Variants in UNC80 observed in about 807,000 individuals in gnomAD.
UNC80 encodes the protein protein unc-80 homolog.
A neutral mutation model predicts 384.6 loss-of-function variants in UNC80; 164 were observed. The ratio of observed to expected loss-of-function variants is 0.43; its 90% CI spans 0.38 to 0.49. The LOEUF is 0.49. Ranked by LOEUF, UNC80 falls within the 20% of genes least tolerant of loss-of-function variation. UNC80 has a pLI of 0.00. For missense variants in UNC80, 3,330 were observed against 4,143.0 expected (o/e 0.80, Z 5.39); for synonymous variants, 1,486 against 1,527.8 (o/e 0.97, Z 0.64).
intron 23 of UNC80, among the ~76,000 whole-genome samples, chr2:209,875,862 T>G (rs1354746314): frequency 6.6e-6 from 1 of 152,212 alleles, no homozygotes; most frequent in Admixed American, 6.5e-5. Flanking sequence ...AAATTTTCTC[T>G]TTATTTCTTT....
intron 6 of UNC80, among the ~76,000 whole-genome samples, chr2:209,793,038 TA>T (rs2077922916): frequency 6.6e-6 from 1 of 152,222 alleles, no homozygotes; most frequent in South Asian, 2.1e-4. Flanking sequence ...GTGTAAAAAT[TA>T]AAATCGTAAG....
chr2:209,941,610 C>T (rs886707520), intron 44 of UNC80, 121 bp downstream of exon 44: 47 of 1,135,728 alleles, frequency 4.1e-5, no homozygotes, highest in Non-Finnish European at 5.1e-5. Flanking sequence ...TTTGTGACAA[C>T]AGAAGGCAAC....
chr2:209,806,658 A>G (rs1574520461), intron 7 of UNC80, among the ~76,000 whole-genome samples: 1 of 152,244 alleles, frequency 6.6e-6, no homozygotes, highest in African/African-American at 2.4e-5. Flanking sequence ...TTTAATAACA[A>G]AACAATGCCA....
rs13405976 is a variant in UNC80 at position 209,943,539 on chromosome 2, A to C, written c.7050+25A>C. Reference sequence around the variant, plus strand: ...TGTAAGTAAGCTCTGTGGGAAAAAAAAATGAAGACCAACAAAATGAGAAAA... The same window carrying C: ...TGTAAGTAAGCTCTGTGGGAAAAAACAATGAAGACCAACAAAATGAGAAAA... On this transcript the variant is annotated intron_variant, in intron 45 of 64. Coordinates refer to ENST00000673920, the MANE Select transcript of UNC80 (RefSeq NM_001371986.1). The C allele has an allele frequency of 6.7e-4, 1,032 of 1,549,812 alleles. 5 individuals carry two copies. In the African/African-American group the frequency reaches 0.012, roughly 19 times the overall value.
At chr2:209,940,320 T>C (rs2091541828) in intron 43 of UNC80, among the ~76,000 whole-genome samples, 2 of 152,300 alleles carry the variant, frequency 1.3e-5, no homozygotes, top group South Asian at 4.1e-4. Context: ...GAATGTTGTC[T>C]ACATGAGTGC....
intron 25 of UNC80, among the ~76,000 whole-genome samples, chr2:209,886,994 A>G (rs2085869384): frequency 6.6e-6 from 1 of 151,720 alleles, no homozygotes. Flanking sequence ...GGCCACCCAC[A>G]TTTCTTGGCT....
intron 7 of UNC80, among the ~76,000 whole-genome samples, chr2:209,802,834 C>T (rs2078648531): frequency 6.6e-6 from 1 of 152,092 alleles, no homozygotes; most frequent in South Asian, 2.1e-4. Flanking sequence ...GGGGAAATAT[C>T]CAGTTACAGT....
chr2:209,800,773 T>C (rs1046978091), intron 7 of UNC80, among the ~76,000 whole-genome samples: 35 of 152,316 alleles, frequency 2.3e-4, no homozygotes, highest in African/African-American at 7.0e-4. Context: ...TTCTCATTGG[T>C]TTCAAATAAC....
chr2:209,854,173 T>C (rs2159747), intron 22 of UNC80, among the ~76,000 whole-genome samples: 26,617 of 151,856 alleles, frequency 0.18, 3,196 homozygotes, highest in African/African-American at 0.34. Context: ...TTCAAGGAGA[T>C]AGGAATGCAT....
Position 209,933,999 on chromosome 2 carries a change from A to G in UNC80, c.6172A>G (p.Met2058Val), listed in dbSNP as rs2091070173. The G allele has an allele frequency of 1.3e-6, 2 of 1,543,202 alleles. No homozygotes were observed. The highest frequency in any genetic ancestry group is 2.5e-5 in the East Asian group (1 of 40,770). The stretch of plus-strand genomic sequence containing the variant: ...GGTGAAGCTCCTGGTGACCGCTTCA[A>G]TGCCAGGTAAGCCACTACTACTTTT... ...CEVKLLVTAS[M>V]PGTKTLVVHG... The change falls in exon 39 of 65, where the codon ATG becomes GTG. Residue 2058 changes from methionine (M) to valine (V), a missense_variant. Met to Val is a conservative substitution (Grantham distance 21). Transcript: ENST00000673920.
rs2077414519 is a variant in UNC80, at chr2:209,786,166, A to G, written c.701A>G (p.Lys234Arg). 2 of 1,613,886 alleles carry G rather than the reference A, an allele frequency of 1.2e-6. No homozygotes were observed. The highest frequency in any genetic ancestry group is 1.7e-6 in the Non-Finnish European group (2 of 1,179,912). The stretch of plus-strand genomic sequence containing the variant: ...GTCTCTGGCTTTACCGCACTGGTGA[A>G]GCCCATCAGGAACATCATTACAGGT... ...PGVSGFTALV[K>R]PIRNIITAKR... Residue 234 changes from lysine (K) to arginine (R), a missense_variant, in exon 5 of 65, where the codon AAG (lysine) becomes AGG (arginine). Around this residue, in one of 8 missense-constraint regions of UNC80, gnomAD observed 937 missense variants for 1,026.8 expected, o/e 0.91. Transcript: ENST00000673920.
At chr2:209,808,719 C>G (rs1480870878) in intron 7 of UNC80, 1 of 91,742 alleles carries the variant, frequency 1.1e-5, no homozygotes, top group Non-Finnish European at 2.3e-5. Context: ...GGAGCGGCTG[C>G]ACTCATTGCT....
intron 58 of UNC80, among the ~76,000 whole-genome samples, chr2:209,978,313 C>A (rs2093063177): frequency 6.6e-6 from 1 of 152,174 alleles, no homozygotes; most frequent in Admixed American, 6.5e-5. Context: ...ATGTTATGTT[C>A]TGGCAAGGGA....
At position 209,839,467 on chromosome 2, in the gene UNC80, A is replaced by G. The variant is rs749070238; in HGVS notation, c.3250+37A>G. ...TCTGTATTTGTTTATGGATTATCTTATTACCAACCATGTCCTCAGATCAAC... is the reference window on the plus strand; with the variant it reads ...TCTGTATTTGTTTATGGATTATCTTGTTACCAACCATGTCCTCAGATCAAC... On this transcript the variant is annotated intron_variant, in intron 19 of 64. Coordinates refer to ENST00000673920, the MANE Select transcript of UNC80 (RefSeq NM_001371986.1). This position sits in a 1 kb window ranked among gnomAD's most constrained non-coding sequence, Gnocchi z 4.1. The G allele has an allele frequency of 7.1e-6, 11 of 1,549,110 alleles. No individual in the cohort carries two copies. The South Asian group carries it at 1.1e-4, about 15-fold the overall frequency.
chr2:209,927,634 A>G (rs546766657), intron 36 of UNC80, among the ~76,000 whole-genome samples: 4 of 152,212 alleles, frequency 2.6e-5, no homozygotes, highest in Admixed American at 6.5e-5. Context: ...AAATGAAAAT[A>G]TCTATTGCTG....
chr2:209,814,024 A>C (rs2079550931), intron 8 of UNC80, among the ~76,000 whole-genome samples, 183 bp downstream of exon 8: 1 of 152,112 alleles, frequency 6.6e-6, no homozygotes, highest in Admixed American at 6.6e-5. Context: ...TTTAGCACTT[A>C]ATCATTTGAA....
intron 5 of UNC80, among the ~76,000 whole-genome samples, chr2:209,788,601 A>G (rs1387403130): frequency 2.0e-5 from 3 of 147,774 alleles, no homozygotes; most frequent in East Asian, 1.9e-4. Context: ...TACAAATAAA[A>G]GTAAAATAAA....
chr2:209,778,168 A>G (rs2076968170), intron 4 of UNC80, among the ~76,000 whole-genome samples: 1 of 152,112 alleles, frequency 6.6e-6, no homozygotes, highest in Non-Finnish European at 1.5e-5. Context: ...TTTGGGAGGC[A>G]GAGGCAGGTG....
intron 56 of UNC80, among the ~76,000 whole-genome samples, chr2:209,975,331 T>C (rs2092986430): frequency 6.6e-6 from 1 of 152,106 alleles, no homozygotes; most frequent in South Asian, 2.1e-4. Flanking sequence ...CCCGTCATAA[T>C]CTTTGATGTC....
Sources: gnomAD v4.1 joint callset for allele counts (sites outside exome capture counted in the v4.1 genomes callset) on GRCh38, gnomAD v4.1.1 for gene constraint, gnomAD v4.1.1 regional missense constraint, Gnocchi (gnomAD v3.1) non-coding constraint, MANE v1.5 for transcripts, NCBI Gene and HGNC (gene_info 2026-07-23, HGNC 2026-07-21) for gene names.